CPNE7: variants seen among roughly 807,000 people sequenced by gnomAD.
CPNE7 encodes copine-7.
Under a neutral mutation model 66.5 loss-of-function variants are expected in CPNE7, and 78 were observed. The observed-to-expected ratio is 1.17, with a 90% CI of 0.98 to 1.42. The LOEUF is 1.42. Ranked by LOEUF, CPNE7 falls within the 40% of genes most tolerant of loss-of-function variation. The pLI is 0.00. For synonymous variants in CPNE7, 468 were observed against 336.7 expected (o/e 1.39, Z -4.27); for missense variants, 1,012 against 776.6 (o/e 1.30, Z -3.60).
chr16:89,596,796 C>G lies in CPNE7; in HGVS notation c.*175C>G, dbSNP rs2059264059. 1.2e-6 allele frequency: 1 copy of G among 811,924 alleles called. No individual in the cohort carries two copies. The highest frequency in any genetic ancestry group is 2.7e-5 in the South Asian group (1 of 37,636). 50.3% of individuals were successfully genotyped at this position (811,924 alleles called of 1,614,324 possible). ...TGGCTTGGGCCCGGCTCTGGGGCCC[C>G]CAAGGCCGAAGGGTGACAAAATACA... On this transcript the variant is annotated 3_prime_UTR_variant, in exon 15 of 15. Coordinates refer to ENST00000319518, the MANE Select transcript of CPNE7 (RefSeq NM_153636.3).
Position 89,585,553 on chromosome 16 carries a change from G to A in CPNE7, c.681G>A (p.Lys227=), listed in dbSNP as rs2059021218. Residue 227 remains lysine (K), a splice_region_variant and synonymous_variant, in exon 6 of 15, where the codon AAG becomes AAA. Transcript: ENST00000319518. ...LCSCEETRPL[K]CLVWDYDSRG... The stretch of plus-strand genomic sequence containing the variant: ...GCTGCGAGGAGACAAGGCCTCTAAA[G>A]GTGGGGGACGGGATGGACCAAGGGG... 6.2e-7 allele frequency: 1 copy of A among 1,609,886 alleles called. No homozygotes were observed. The highest frequency in any genetic ancestry group is 8.5e-7 in the Non-Finnish European group (1 of 1,178,226).
At chr16:89,579,396 CCGTCACA>C (rs1219573607) in intron 2 of CPNE7, among the ~76,000 whole-genome samples, 13 of 152,268 alleles carry the variant, frequency 8.5e-5, no homozygotes, top group Admixed American at 7.8e-4. Context: ...ACAGAACATC[CCGTCACA>C]CGGAACATCT....
intron 13 of CPNE7, among the ~76,000 whole-genome samples, chr16:89,594,473 C>T (rs144603787): frequency 2.1e-3 from 313 of 152,126 alleles, no homozygotes; most frequent in African/African-American, 7.1e-3. Flanking sequence ...CTCAGTGGGA[C>T]GGGCTCAGTC....
In CPNE7 at chr16:89,596,914, C is replaced by A. The variant is rs571597906; in HGVS notation, c.*293C>A. 3 of 320,132 alleles carry A rather than the reference C, an allele frequency of 9.4e-6. No individual in the cohort carries two copies. Among genetic ancestry groups the A allele is most frequent in the Non-Finnish European group, 1.7e-5 (3 of 177,128 alleles). 19.8% of individuals were successfully genotyped at this position (320,132 alleles called of 1,614,324 possible). On this transcript the variant is annotated 3_prime_UTR_variant, in exon 15 of 15. Transcript: ENST00000319518. ...GAGCTGGGAGTTCATCCACGGGAGA[C>A]CCTGCCCCGATGAGAAGGGGCAGGG... is the stretch of plus-strand genomic sequence containing the variant.
Position 89,585,467 on chromosome 16 carries a change from G to C in CPNE7, c.595G>C (p.Val199Leu). The C allele has an allele frequency of 6.2e-7, 1 of 1,610,958 alleles. No homozygotes were observed. Among genetic ancestry groups the C allele is most frequent in the Non-Finnish European group, 8.5e-7 (1 of 1,178,800 alleles). Residue 199 changes from valine to leucine, a missense_variant, in exon 6 of 15, where the codon GTG (valine) becomes CTG (leucine). Coordinates refer to ENST00000319518, the MANE Select transcript of CPNE7 (RefSeq NM_153636.3). ...GLQLVYRTEV[V>L]KNNLNPVWEA... ...GCCAGCCCCTCCCGGCCCACAGGTG[G>C]TGAAGAACAACCTGAACCCGGTGTG...
rs773288206 is a variant in CPNE7, at chr16:89,587,061, T to C, written c.886T>C (p.Phe296Leu). 1 of 1,580,198 alleles carries C rather than the reference T, an allele frequency of 6.3e-7. No homozygotes were observed. Residue 296 changes from phenylalanine (F) to leucine (L), a missense_variant, in exon 9 of 15, where the codon TTC (phenylalanine) becomes CTC (leucine). Transcript: ENST00000319518. ...ADLKFHRVYS[F>L]LDYIMGGCQI... ...CCGGAAGTTCCACAGGGTGTACTCC[T>C]TCCTGGACTATATCATGGGCGGCTG...
intron 14 of CPNE7, chr16:89,596,007 A>G (rs1050553901): frequency 2.9e-5 from 14 of 481,602 alleles, no homozygotes; most frequent in Non-Finnish European, 5.3e-5. Flanking sequence ...GTGAGGTTCT[A>G]CCAGGCAAGA....
Position 89,595,577 on chromosome 16 carries a change from T to C in CPNE7, c.1513T>C (p.Phe505Leu). 1.2e-6 allele frequency: 2 copies of C among 1,607,254 alleles called. No individual in the cohort carries two copies. Among genetic ancestry groups the C allele is most frequent in the South Asian group, 2.2e-5 (2 of 90,854 alleles). ...GEPALRDIVQ[F>L]VPFRELKNAS... The stretch of plus-strand genomic sequence containing the variant: ...GCCCGCGCTCCGGGACATCGTACAG[T>C]TCGTGCCCTTCCGGGAGCTCAAGAA... Residue 505 changes from phenylalanine to leucine, a missense_variant, in exon 14 of 15, where the codon TTC becomes CTC. Coordinates refer to ENST00000319518, the MANE Select transcript of CPNE7 (RefSeq NM_153636.3).
At chr16:89,587,665 CCG>C in intron 9 of CPNE7, 1 of 430,452 alleles carries the variant, frequency 2.3e-6, no homozygotes, top group South Asian at 1.6e-5. Context: ...CCCATGTCAC[CCG>C]CAGACCCCGC....
intron 13 of CPNE7, among the ~76,000 whole-genome samples, chr16:89,594,386 C>G (rs890285470): frequency 9.9e-5 from 15 of 151,970 alleles, no homozygotes; most frequent in South Asian, 2.1e-4. Flanking sequence ...GGGGAGGGCA[C>G]AAAAAGAGAG....
intron 11 of CPNE7, among the ~76,000 whole-genome samples, chr16:89,590,718 C>T (rs1014221507): frequency 1.4e-5 from 2 of 142,428 alleles, no homozygotes; most frequent in African/African-American, 2.7e-5. Flanking sequence ...AAGCCTACCT[C>T]TCTCAGTAGG....
intron 2 of CPNE7, 118 bp from the exon 3 acceptor site, chr16:89,583,579 A>T (rs371769480): frequency 6.2e-7 from 1 of 1,602,382 alleles, no homozygotes; most frequent in Non-Finnish European, 8.5e-7. Context: ...AGTGAAGCTC[A>T]TGGTGGGGGA....
intron 10 of CPNE7, among the ~76,000 whole-genome samples, chr16:89,589,596 C>A (rs2059138525): frequency 6.6e-6 from 1 of 152,126 alleles, no homozygotes; most frequent in Non-Finnish European, 1.5e-5. Flanking sequence ...TTCCTTGGCC[C>A]CACAGGACCC....
chr16:89,579,804 C>A (rs2058920879), intron 2 of CPNE7, among the ~76,000 whole-genome samples: 1 of 110,768 alleles, frequency 9.0e-6, no homozygotes, highest in Non-Finnish European at 2.0e-5. Flanking sequence ...CACGGAACAT[C>A]TCACCCGTCA....
intron 13 of CPNE7, among the ~76,000 whole-genome samples, chr16:89,591,768 C>T (rs1255578709): frequency 1.3e-5 from 2 of 151,724 alleles, no homozygotes; most frequent in Admixed American, 6.6e-5. Flanking sequence ...GATGTGATCC[C>T]AGCTCACTGC....
chr16:89,581,988 A>T (rs931192082), intron 2 of CPNE7, among the ~76,000 whole-genome samples: 2 of 152,268 alleles, frequency 1.3e-5, no homozygotes, highest in African/African-American at 4.8e-5. Context: ...GTATGTCATA[A>T]TCCGTGCAGG....
chr16:89,596,576 C>G lies in CPNE7; in HGVS notation c.1632C>G (p.Ser544Arg), dbSNP rs375681910. 31 of 1,608,160 alleles carry G rather than the reference C, an allele frequency of 1.9e-5. No homozygotes were observed. The highest frequency in any genetic ancestry group is 2.6e-5 in the Non-Finnish European group (31 of 1,179,662). ...GCCACAGAGGCCTGCCCCCGAGAAGCCTGGGTGTCCCTGCCGGAGAGGCCA... is the reference window on the plus strand; with the variant it reads ...GCCACAGAGGCCTGCCCCCGAGAAGGCTGGGTGTCCCTGCCGGAGAGGCCA... Reference protein sequence around the residue: ...YYSHRGLPPRSLGVPAGEASP... With the variant: ...YYSHRGLPPRRLGVPAGEASP... Residue 544 changes from serine to arginine, a missense_variant, in exon 15 of 15, where the codon AGC (serine) becomes AGG (arginine). Coordinates refer to ENST00000319518, the MANE Select transcript of CPNE7 (RefSeq NM_153636.3).
chr16:89,586,258 G>A (rs1187182650), intron 7 of CPNE7, among the ~76,000 whole-genome samples: 1 of 152,046 alleles, frequency 6.6e-6, no homozygotes, highest in Non-Finnish European at 1.5e-5. Context: ...CATAGCAGGG[G>A]TGGCCCCCAT....
chr16:89,588,838 G>C, intron 10 of CPNE7, 30 bp downstream of exon 10: 3 of 1,608,110 alleles, frequency 1.9e-6, no homozygotes, highest in Non-Finnish European at 2.5e-6. Flanking sequence ...CTCACCCCCT[G>C]GTCTCCAGGT....
Sources: gnomAD v4.1 joint callset for allele counts (sites outside exome capture counted in the v4.1 genomes callset) on GRCh38, gnomAD v4.1.1 for gene constraint, MANE v1.5 for transcripts, NCBI Gene and HGNC (gene_info 2026-07-23, HGNC 2026-07-21) for gene names.